Variants in PDCL2 observed in about 807,000 individuals in gnomAD.
PDCL2 encodes phosducin like 2.
In PDCL2, 23 loss-of-function variants were observed where a neutral mutation model predicts 30.3. The observed-to-expected ratio is 0.76, with a 90% CI of 0.55 to 1.08. PDCL2 has a LOEUF of 1.08. Among genes scored for constraint, PDCL2 ranks in the 50% least tolerant of loss-of-function variants. The probability of loss-of-function intolerance (pLI) is 0.00; values close to 1 mark genes in which losing one functional copy is unlikely to be tolerated. For synonymous variants in PDCL2, 68 were observed against 86.2 expected, an observed-to-expected ratio of 0.79 and a Z score of 1.17; for missense variants, 243 against 282.3, an observed-to-expected ratio of 0.86 and a Z score of 1.00.
At chr4:55,562,371 T>C in intron 5 of PDCL2, 33 bp downstream of exon 5, 3 of 1,331,614 alleles carry the variant, frequency 2.3e-6, no homozygotes, top group Non-Finnish European at 3.0e-6. Context: ...TGTTTTCACC[T>C]ATCATTTTTA....
At chr4:55,577,345 T>G (rs895345325) in intron 3 of PDCL2, among the ~76,000 whole-genome samples, 3 of 152,164 alleles carry the variant, frequency 2.0e-5, no homozygotes, top group African/African-American at 7.2e-5. Flanking sequence ...ACACAAACAT[T>G]CAGACCACAG....
chr4:55,586,927 A>T (rs1413163379), intron 1 of PDCL2, among the ~76,000 whole-genome samples: 1 of 151,770 alleles, frequency 6.6e-6, no homozygotes, highest in Non-Finnish European at 1.5e-5. Flanking sequence ...GATGTTAAGC[A>T]TCTTTTCATG....
rs536932732 is a variant in PDCL2, at chr4:55,588,728, G to GA, written c.6+3375dup. ...CCCAGTTTACCCAGCACCCTTTATTGAAAAAAAATTAACTGTTGCCCATTT... is the reference window on the plus strand; with the variant it reads ...CCCAGTTTACCCAGCACCCTTTATTGAAAAAAAAATTAACTGTTGCCCATTT... On this transcript the variant is annotated intron_variant, in intron 1 of 5. Coordinates refer to ENST00000295645, the MANE Select transcript of PDCL2 (RefSeq NM_152401.3). Among the ~76,000 whole-genome samples, 25 of 151,788 alleles carry GA rather than the reference G, an allele frequency of 1.6e-4. No individual in the cohort carries two copies. In the East Asian group the frequency reaches 3.3e-3, roughly 20 times the overall value.
At chr4:55,565,382 C>T (rs1406870292) in intron 4 of PDCL2, among the ~76,000 whole-genome samples, 1 of 152,080 alleles carries the variant, frequency 6.6e-6, no homozygotes, top group African/African-American at 2.4e-5. Context: ...ACTCACAGTT[C>T]AGTATGGCTG....
chr4:55,586,195 C>T (rs919331174), intron 1 of PDCL2, among the ~76,000 whole-genome samples: 3 of 152,090 alleles, frequency 2.0e-5, no homozygotes, highest in Non-Finnish European at 2.9e-5. Context: ...TAAACTTTCT[C>T]TTCTAATTTC....
At chr4:55,588,501 A>G (rs1014897196) in intron 1 of PDCL2, among the ~76,000 whole-genome samples, 13 of 152,322 alleles carry the variant, frequency 8.5e-5, no homozygotes, top group African/African-American at 3.1e-4. Context: ...CATCTTACAC[A>G]TATTGAATGA....
chr4:55,587,216 T>TAAAAAAAAAAAAAAAAAAAAAAA (rs869107656), intron 1 of PDCL2, among the ~76,000 whole-genome samples: 4 of 62,820 alleles, frequency 6.4e-5, no homozygotes, highest in African/African-American at 3.0e-4. Flanking sequence ...GACAGAATAG[T>TAAAAAAAAAAAAAAAAAAAAAAA]AAAAAAAAAA....
intron 3 of PDCL2, among the ~76,000 whole-genome samples, chr4:55,575,036 G>A (rs1732527702): frequency 6.6e-6 from 1 of 152,168 alleles, no homozygotes; most frequent in Non-Finnish European, 1.5e-5. Context: ...CAATTCAAAG[G>A]GTTCCAATCC....
chr4:55,570,676 A>G (rs1732398255), intron 3 of PDCL2, among the ~76,000 whole-genome samples: 1 of 152,154 alleles, frequency 6.6e-6, no homozygotes, highest in African/African-American at 2.4e-5. Context: ...GTTGCTACCT[A>G]TTTATCTATC....
At chr4:55,584,628 G>GT (rs993241872) in intron 1 of PDCL2, among the ~76,000 whole-genome samples, 3 of 152,054 alleles carry the variant, frequency 2.0e-5, no homozygotes, top group Non-Finnish European at 4.4e-5. Flanking sequence ...AGTTCTAACA[G>GT]TTTTTTTGGT....
intron 3 of PDCL2, 131 bp downstream of exon 3, chr4:55,580,690 G>C: frequency 1.8e-6 from 1 of 558,160 alleles, no homozygotes; most frequent in Non-Finnish European, 3.0e-6. Context: ...TATATAAAGG[G>C]AGTTTCAAAA....
At chr4:55,589,618 CT>C (rs1310514929) in intron 1 of PDCL2, among the ~76,000 whole-genome samples, 9 of 152,174 alleles carry the variant, frequency 5.9e-5, no homozygotes, top group African/African-American at 1.9e-4. Context: ...ATCTCCCATC[CT>C]TTGATGGACC....
At chr4:55,562,372 A>G in intron 5 of PDCL2, 32 bp downstream of exon 5, 1 of 1,337,846 alleles carries the variant, frequency 7.5e-7, no homozygotes, top group Non-Finnish European at 9.9e-7. Flanking sequence ...GTTTTCACCT[A>G]TCATTTTTAT....
chr4:55,562,767 A>G (rs1732168319), intron 4 of PDCL2, among the ~76,000 whole-genome samples, 155 bp from the exon 5 acceptor site: 1 of 152,184 alleles, frequency 6.6e-6, no homozygotes, highest in African/African-American at 2.4e-5. Flanking sequence ...GCAATGAAGA[A>G]CTGTATGTAG....
chr4:55,582,914 T>C (rs891337124), intron 1 of PDCL2, among the ~76,000 whole-genome samples: 14 of 152,308 alleles, frequency 9.2e-5, no homozygotes, highest in African/African-American at 3.4e-4. Context: ...GCTTCATCCA[T>C]GTCCCTACAG....
At chr4:55,585,382 G>A (rs1177046107) in intron 1 of PDCL2, among the ~76,000 whole-genome samples, 1 of 152,054 alleles carries the variant, frequency 6.6e-6, no homozygotes, top group Non-Finnish European at 1.5e-5. Context: ...ACAAAAATTA[G>A]CTGGGCACAG....
At chr4:55,562,672 G>T (rs1015928174) in intron 4 of PDCL2, 60 bp from the exon 5 acceptor site, 2 of 1,172,838 alleles carry the variant, frequency 1.7e-6, no homozygotes, top group Non-Finnish European at 2.3e-6. Context: ...TCAGTCTAAT[G>T]AAATAAGTAA....
At chr4:55,572,135 T>C (rs535316057) in intron 3 of PDCL2, among the ~76,000 whole-genome samples, 19 of 152,242 alleles carry the variant, frequency 1.2e-4, no homozygotes, top group African/African-American at 4.6e-4. Flanking sequence ...AGTAAATACA[T>C]GGGCTGGTTT....
chr4:55,574,128 C>T (rs1732502150), intron 3 of PDCL2, among the ~76,000 whole-genome samples: 1 of 152,040 alleles, frequency 6.6e-6, no homozygotes, highest in African/African-American at 2.4e-5. Context: ...TTCTTAAGAA[C>T]AAGTAATATT....
Sources: allele counts gnomAD v4.1 joint callset (sites outside exome capture counted in the v4.1 genomes callset), GRCh38; gene constraint gnomAD v4.1.1; transcripts MANE v1.5; gene names NCBI Gene and HGNC (gene_info 2026-07-23, HGNC 2026-07-21).